RAPGEF5: variants seen among roughly 807,000 people sequenced by gnomAD.
RAPGEF5 encodes Rap guanine nucleotide exchange factor 5, also known as M-Ras-regulated GEF.
RAPGEF5 carries 65 observed loss-of-function variants against 125.2 expected under a neutral mutation model. The ratio of observed to expected loss-of-function variants is 0.52; its 90% CI spans 0.43 to 0.64. RAPGEF5 has a LOEUF of 0.64. RAPGEF5 is among the 30% of genes least tolerant of loss of function. RAPGEF5 has a pLI of 0.00. For missense variants in RAPGEF5, 958 were observed against 1,048.1 expected, an observed-to-expected ratio of 0.91 and a Z score of 1.19; for synonymous variants, 391 against 385.9, an observed-to-expected ratio of 1.01 and a Z score of -0.16.
Position 22,357,123 on chromosome 7 carries a change from G to C in RAPGEF5, c.-63C>G, listed in dbSNP as rs1295996374. ...CCGCGCTCGCCTCCGCGCGCCGTCC[G>C]CGCCTTCGCCAGGAAGCGAGAGGGC... is the stretch of plus-strand genomic sequence containing the variant. On this transcript the variant is annotated 5_prime_UTR_variant, in exon 1 of 26. Transcript: ENST00000665637. 2 of 908,050 alleles carry C rather than the reference G, an allele frequency of 2.2e-6. No homozygotes were observed. The highest frequency in any genetic ancestry group is 1.3e-6 in the Non-Finnish European group (1 of 753,930). The allele number at this position is 908,050 out of a possible 1,614,324, so 56.2% of individuals were successfully genotyped here.
At chr7:22,178,692 G>C (rs534191972) in intron 11 of RAPGEF5, among the ~76,000 whole-genome samples, 1 of 152,262 alleles carries the variant, frequency 6.6e-6, no homozygotes, top group South Asian at 2.1e-4. Flanking sequence ...CTATCTTCAT[G>C]GCACATGGAT....
intron 6 of RAPGEF5, among the ~76,000 whole-genome samples, chr7:22,286,579 T>G (rs1782803238): frequency 6.6e-6 from 1 of 152,230 alleles, no homozygotes; most frequent in African/African-American, 2.4e-5. Context: ...ATCTCCTATT[T>G]AAGAATGTTC....
At chr7:22,319,864 A>G (rs1783677813) in intron 1 of RAPGEF5, among the ~76,000 whole-genome samples, 1 of 151,812 alleles carries the variant, frequency 6.6e-6, no homozygotes, top group Non-Finnish European at 1.5e-5. Flanking sequence ...AAAAAAAAAA[A>G]CGTGGGCAGG....
At chr7:22,281,026 GGATTGGGAGAGAGAGCAAATGT>G (rs1476693558) in intron 6 of RAPGEF5, among the ~76,000 whole-genome samples, 18 of 152,294 alleles carry the variant, frequency 1.2e-4, no homozygotes, top group Admixed American at 2.6e-4. Context: ...CTTTGGCTTA[GGATTGGGAGAGAGAGCAAATGT>G]GAAAAACATG....
chr7:22,256,043 T>G (rs1786751450), intron 7 of RAPGEF5, among the ~76,000 whole-genome samples: 1 of 152,152 alleles, frequency 6.6e-6, no homozygotes, highest in African/African-American at 2.4e-5. Flanking sequence ...GGTGATCACA[T>G]TACTCTTGCC....
intron 23 of RAPGEF5, among the ~76,000 whole-genome samples, chr7:22,135,600 G>A (rs1409579941): frequency 6.6e-6 from 1 of 152,150 alleles, no homozygotes; most frequent in African/African-American, 2.4e-5. Context: ...TACTTGTATT[G>A]ACCAAAGGTA....
At chr7:22,314,762 G>T in intron 3 of RAPGEF5, 2 of 423,216 alleles carry the variant, frequency 4.7e-6, no homozygotes, top group Non-Finnish European at 6.3e-6. Context: ...ATTTACTTTT[G>T]GTTTTTTCTT....
Position 22,264,004 on chromosome 7 carries a change from A to G in RAPGEF5, c.796+2960T>C, listed in dbSNP as rs1017084768. 2.0e-5 allele frequency among the ~76,000 whole-genome samples: 3 copies of G among 152,302 alleles called. No individual in the cohort carries two copies. The East Asian group carries it at 5.8e-4, about 29-fold the overall frequency. On this transcript the variant is annotated intron_variant, in intron 7 of 25. Coordinates refer to ENST00000665637, the MANE Select transcript of RAPGEF5 (RefSeq NM_012294.5). ...TGAAAAAGAGAATACATGCTACTGT[A>G]TACAACTTTATTCACTGAAAAAATT...
chr7:22,206,008 C>T (rs1215702534), intron 9 of RAPGEF5, among the ~76,000 whole-genome samples: 1 of 152,184 alleles, frequency 6.6e-6, no homozygotes, highest in Non-Finnish European at 1.5e-5. Flanking sequence ...AAGAGCTACT[C>T]AGAACTTCCT....
intron 11 of RAPGEF5, chr7:22,191,585 G>A (rs1260952672): frequency 1.7e-5 from 8 of 471,020 alleles, no homozygotes; most frequent in African/African-American, 4.0e-5. Flanking sequence ...GTCCTGGTCC[G>A]CTTGGCTTTG....
intron 7 of RAPGEF5, among the ~76,000 whole-genome samples, chr7:22,244,211 T>C (rs1472908255): frequency 6.6e-6 from 1 of 152,054 alleles, no homozygotes; most frequent in Non-Finnish European, 1.5e-5. Flanking sequence ...TGTATATACA[T>C]ATATATATAC....
intron 21 of RAPGEF5, among the ~76,000 whole-genome samples, chr7:22,137,829 A>G (rs1345145542): frequency 6.6e-6 from 1 of 152,114 alleles, no homozygotes; most frequent in African/African-American, 2.4e-5. Context: ...CACTAACAAC[A>G]AAGTATAAGA....
intron 1 of RAPGEF5, among the ~76,000 whole-genome samples, chr7:22,322,193 T>C (rs1783728167): frequency 6.6e-6 from 1 of 151,860 alleles, no homozygotes; most frequent in Admixed American, 6.6e-5. Flanking sequence ...TGGAGTGCAG[T>C]AGCACAAGCC....
Position 22,251,775 on chromosome 7 carries a change from C to CAAA in RAPGEF5, c.796+15186_796+15188dup, listed in dbSNP as rs58681076. Among the ~76,000 whole-genome samples, 228 of 73,240 alleles carry CAAA rather than the reference C, an allele frequency of 3.1e-3. 29 individuals carry two copies. The highest frequency in any genetic ancestry group is 0.027 in the Middle Eastern group (2 of 74). 48.0% of individuals were successfully genotyped at this position (73,240 alleles called of 152,430 possible). A position where few individuals can be genotyped will look rare whatever the true frequency, so the allele number is the denominator to read the frequency against. ...GAGCCCTGCCAGGAAGTTTCATTGA[C>CAAA]AAAAAAAAAAAAAAAAAAAAAAAAG... On this transcript the variant is annotated intron_variant, in intron 7 of 25. Coordinates refer to ENST00000665637, the MANE Select transcript of RAPGEF5 (RefSeq NM_012294.5).
intron 25 of RAPGEF5, among the ~76,000 whole-genome samples, chr7:22,123,715 C>T (rs1782652866): frequency 6.6e-6 from 1 of 152,190 alleles, no homozygotes; most frequent in Non-Finnish European, 1.5e-5. Flanking sequence ...ACCATCCCAC[C>T]TGTTTGAAAG....
intron 3 of RAPGEF5, among the ~76,000 whole-genome samples, chr7:22,312,287 C>A (rs1056344498): frequency 6.6e-6 from 1 of 151,972 alleles, no homozygotes; most frequent in African/African-American, 2.4e-5. Context: ...CGGCTCACTG[C>A]AAACTCTGCC....
chr7:22,131,116 C>A lies in RAPGEF5; in HGVS notation c.2417-15G>T, dbSNP rs1243089725. ...AAATGTTACATCTGAAAATTAAAAACAAAAAGATGTATGTATCATTAGGAA... is the reference window on the plus strand; with the variant it reads ...AAATGTTACATCTGAAAATTAAAAAAAAAAAGATGTATGTATCATTAGGAA... On this transcript the variant is annotated splice_polypyrimidine_tract_variant and intron_variant, in intron 23 of 25. Coordinates refer to ENST00000665637, the MANE Select transcript of RAPGEF5 (RefSeq NM_012294.5). The A allele has an allele frequency of 6.6e-7, 1 of 1,524,396 alleles. No individual in the cohort carries two copies. The highest frequency in any genetic ancestry group is 8.8e-7 in the Non-Finnish European group (1 of 1,136,154). The allele number at this position is 1,524,396 out of a possible 1,614,324, so 94.4% of individuals were successfully genotyped here.
At chr7:22,182,259 G>T (rs1361779472) in intron 11 of RAPGEF5, among the ~76,000 whole-genome samples, 1 of 152,160 alleles carries the variant, frequency 6.6e-6, no homozygotes, top group Non-Finnish European at 1.5e-5. Flanking sequence ...CAAGATCTCT[G>T]AGAGAGAGAA....
intron 7 of RAPGEF5, among the ~76,000 whole-genome samples, chr7:22,242,808 G>T (rs186812012): frequency 6.6e-6 from 1 of 151,700 alleles, no homozygotes; most frequent in Admixed American, 6.6e-5. Context: ...AAAACTGGCC[G>T]GGCATGGTTG....
Sources: allele counts gnomAD v4.1 joint callset (sites outside exome capture counted in the v4.1 genomes callset), GRCh38; gene constraint gnomAD v4.1.1; transcripts MANE v1.5; gene names NCBI Gene and HGNC (gene_info 2026-07-23, HGNC 2026-07-21).